Variants in ITPR2 observed in about 807,000 individuals in gnomAD.
ITPR2 encodes inositol 1,4,5-trisphosphate receptor type 2.
A neutral mutation model predicts 317.1 loss-of-function variants in ITPR2; 207 were observed. That is an observed-to-expected ratio of 0.65 (90% confidence interval 0.58 to 0.73). The LOEUF is 0.73. Ranked by LOEUF, ITPR2 falls within the 30% of genes least tolerant of loss-of-function variation. ITPR2 has a pLI of 0.00. For synonymous variants in ITPR2, 1,156 were observed against 1,149.1 expected, an observed-to-expected ratio of 1.01 and a Z score of -0.12; for missense variants, 2,613 against 3,284.0, an observed-to-expected ratio of 0.80 and a Z score of 4.99.
chr12:26,616,450 TA>T (rs1239449826), intron 26 of ITPR2, among the ~76,000 whole-genome samples: 146 of 152,320 alleles, frequency 9.6e-4, no homozygotes, highest in African/African-American at 3.2e-3. Flanking sequence ...TGTGGAAATT[TA>T]AAAACTCACT....
chr12:26,585,144 A>C (rs374060391), intron 32 of ITPR2, among the ~76,000 whole-genome samples: 1 of 152,178 alleles, frequency 6.6e-6, no homozygotes, highest in Non-Finnish European at 1.5e-5. Context: ...TTATAATCCT[A>C]TAATTCAGAT....
chr12:26,600,714 C>T (rs1945978334), intron 28 of ITPR2, among the ~76,000 whole-genome samples: 1 of 95,608 alleles, frequency 1.0e-5, no homozygotes, highest in Admixed American at 9.3e-5. Flanking sequence ...TCCTCTTTTC[C>T]TATCTATTAT....
intron 1 of ITPR2, among the ~76,000 whole-genome samples, chr12:26,829,162 T>C (rs1002099647): frequency 9.9e-5 from 15 of 152,236 alleles, no homozygotes; most frequent in African/African-American, 3.4e-4. Context: ...CAGCAGAATT[T>C]GGAAATGTTC....
intron 32 of ITPR2, among the ~76,000 whole-genome samples, chr12:26,590,365 C>G (rs1489762530): frequency 6.6e-6 from 1 of 152,018 alleles, no homozygotes; most frequent in East Asian, 1.9e-4. Flanking sequence ...GAAAAAATAA[C>G]TAGGCAAAAA....
chr12:26,350,059 CAGG>C (rs1013696748), intron 55 of ITPR2, among the ~76,000 whole-genome samples: 5 of 152,164 alleles, frequency 3.3e-5, no homozygotes, highest in Non-Finnish European at 7.4e-5. Context: ...ACAGGGCTTG[CAGG>C]AGGACAGGAC....
chr12:26,733,326 A>G (rs1419730166), intron 2 of ITPR2, among the ~76,000 whole-genome samples: 1 of 107,776 alleles, frequency 9.3e-6, no homozygotes, highest in Non-Finnish European at 2.6e-5. Context: ...AAAAAAAAAA[A>G]AAAGAAAAGA....
intron 37 of ITPR2, among the ~76,000 whole-genome samples, chr12:26,497,192 G>C (rs1314216408): frequency 5.8e-5 from 8 of 137,644 alleles, no homozygotes; most frequent in Non-Finnish European, 1.1e-4. Context: ...CTCGCTCTGT[G>C]GCCCAGGCTG....
rs775062499 is a variant in ITPR2, at chr12:26,665,954, G to T, written c.1507C>A (p.Arg503=). 8 of 1,613,560 alleles carry T rather than the reference G, an allele frequency of 5.0e-6. No individual in the cohort carries two copies. In the East Asian group the frequency reaches 1.6e-4, roughly 31 times the overall value. Residue 503 remains arginine, a synonymous_variant, in exon 14 of 57, where the codon CGA becomes AGA. Transcript: ENST00000381340. ...TCCCTCATCAATTTTTGACGCTCTC[G>T]GTTTGGCTTAGTGATAACCACATCC... ...VLDVVITKPN[R]ERQKLMREQN... is the part of the protein sequence containing the mutation.
At chr12:26,375,013 T>C (rs988655696) in intron 55 of ITPR2, among the ~76,000 whole-genome samples, 7 of 152,360 alleles carry the variant, frequency 4.6e-5, no homozygotes, top group African/African-American at 1.7e-4. Context: ...GCATGGGCTA[T>C]GCTAGCCTAT....
intron 1 of ITPR2, among the ~76,000 whole-genome samples, chr12:26,791,300 G>A (rs986640052): frequency 2.0e-5 from 3 of 151,884 alleles, no homozygotes; most frequent in African/African-American, 7.3e-5. Context: ...AGAATATTGT[G>A]AGAATGCATG....
At chr12:26,564,621 A>G (rs1944900362) in intron 34 of ITPR2, among the ~76,000 whole-genome samples, 1 of 152,342 alleles carries the variant, frequency 6.6e-6, no homozygotes, top group East Asian at 1.9e-4. Context: ...CCTTATAAGA[A>G]GGGAAGGAGA....
intron 26 of ITPR2, among the ~76,000 whole-genome samples, chr12:26,604,949 G>T (rs1166738821): frequency 6.6e-6 from 1 of 151,888 alleles, no homozygotes; most frequent in Admixed American, 6.6e-5. Flanking sequence ...TTAGCTGGAT[G>T]TGGTGGTGGA....
intron 55 of ITPR2, among the ~76,000 whole-genome samples, chr12:26,360,864 C>A (rs1230613529): frequency 1.3e-5 from 2 of 152,168 alleles, no homozygotes; most frequent in Non-Finnish European, 1.5e-5. Context: ...GTAATCACCA[C>A]CTCTAAGTTT....
chr12:26,640,248 T>C (rs1946954465), intron 21 of ITPR2, among the ~76,000 whole-genome samples: 2 of 152,274 alleles, frequency 1.3e-5, no homozygotes, highest in South Asian at 4.1e-4. Context: ...TAGGGATTGA[T>C]CCTGCCCTAT....
chr12:26,379,248 C>T (rs1253789310), intron 55 of ITPR2, among the ~76,000 whole-genome samples: 1 of 152,110 alleles, frequency 6.6e-6, no homozygotes, highest in Admixed American at 6.5e-5. Flanking sequence ...AGAGTTGTCA[C>T]GAGGCTTTAA....
At chr12:26,592,879 T>C (rs1401578753) in intron 32 of ITPR2, among the ~76,000 whole-genome samples, 1 of 152,234 alleles carries the variant, frequency 6.6e-6, no homozygotes, top group Non-Finnish European at 1.5e-5. Context: ...CTATGCTGAA[T>C]GGTCCTCTGG....
At chr12:26,430,114 TACTA>T (rs1382733145) in intron 48 of ITPR2, among the ~76,000 whole-genome samples, 10 of 152,252 alleles carry the variant, frequency 6.6e-5, no homozygotes, top group African/African-American at 2.2e-4. Context: ...CATAGGTTCA[TACTA>T]AATATATATT....
intron 45 of ITPR2, among the ~76,000 whole-genome samples, chr12:26,457,052 C>G (rs1415873837): frequency 1.3e-5 from 2 of 152,098 alleles, no homozygotes; most frequent in East Asian, 3.9e-4. Flanking sequence ...TAATAGTGAA[C>G]AAAACAGACC....
At chr12:26,545,815 C>T (rs1456597275) in intron 37 of ITPR2, among the ~76,000 whole-genome samples, 4 of 152,304 alleles carry the variant, frequency 2.6e-5, no homozygotes, top group African/African-American at 9.6e-5. Flanking sequence ...GATCACTGAG[C>T]ACCAGCTGTT....
Sources: gnomAD v4.1 joint callset for allele counts (sites outside exome capture counted in the v4.1 genomes callset) on GRCh38, gnomAD v4.1.1 for gene constraint, MANE v1.5 for transcripts, NCBI Gene and HGNC (gene_info 2026-07-23, HGNC 2026-07-21) for gene names.